KIF5C: variants seen among roughly 807,000 people sequenced by gnomAD.
KIF5C encodes kinesin heavy chain isoform 5C.
In KIF5C, 18 loss-of-function variants were observed where a neutral mutation model predicts 125.2. The ratio of observed to expected loss-of-function variants is 0.14; its 90% CI spans 0.10 to 0.21. The LOEUF is 0.21. Ranked by LOEUF, KIF5C falls within the 10% of genes least tolerant of loss-of-function variation. KIF5C has a pLI of 1.00. For missense variants in KIF5C, 780 were observed against 1,183.8 expected (o/e 0.66, Z 5.01); for synonymous variants, 405 against 434.0 (o/e 0.93, Z 0.83).
intron 25 of KIF5C, among the ~76,000 whole-genome samples, chr2:149,018,622 C>A (rs57737068): frequency 0.076 from 11,568 of 151,956 alleles, 1,243 homozygotes; most frequent in African/African-American, 0.24. Flanking sequence ...TGAGGCCAGG[C>A]GTTTGAAACC....
chr2:148,955,387 G>C (rs1340417516), intron 10 of KIF5C, among the ~76,000 whole-genome samples: 1 of 152,084 alleles, frequency 6.6e-6, no homozygotes, highest in East Asian at 1.9e-4. Flanking sequence ...CAATAATAAG[G>C]GCGAGCATCA....
At chr2:148,898,050 C>T (rs1680737074) in intron 1 of KIF5C, among the ~76,000 whole-genome samples, 1 of 149,234 alleles carries the variant, frequency 6.7e-6, no homozygotes, top group Non-Finnish European at 1.5e-5. Context: ...CTGATTTGCA[C>T]ACTGTGCCTT....
chr2:148,882,744 C>T (rs1236050421), intron 1 of KIF5C, among the ~76,000 whole-genome samples: 2 of 152,132 alleles, frequency 1.3e-5, no homozygotes, highest in Non-Finnish European at 2.9e-5. Flanking sequence ...CTGATCAGCC[C>T]CTGTCTCCCC....
chr2:148,942,968 T>C (rs1229243212), intron 7 of KIF5C, among the ~76,000 whole-genome samples: 1 of 152,200 alleles, frequency 6.6e-6, no homozygotes, highest in Admixed American at 6.5e-5. Context: ...TCCACAGGAC[T>C]CTGAGGTCTT....
intron 1 of KIF5C, among the ~76,000 whole-genome samples, chr2:148,899,702 C>CAAAAAAAAA (rs771196518): frequency 2.2e-5 from 1 of 46,062 alleles, no homozygotes; most frequent in Non-Finnish European, 4.7e-5. Context: ...AACTCCATCT[C>CAAAAAAAAA]AAAAAAAAAA....
intron 3 of KIF5C, 96 bp from the exon 4 acceptor site, chr2:148,937,188 C>T (rs966136218): frequency 2.1e-5 from 31 of 1,486,564 alleles, no homozygotes; most frequent in South Asian, 1.2e-4. Context: ...CCTGCTCCAC[C>T]GGGTTCTGTC....
intron 12 of KIF5C, among the ~76,000 whole-genome samples, chr2:148,975,010 G>C (rs375127639): frequency 6.6e-6 from 1 of 152,244 alleles, no homozygotes; most frequent in Non-Finnish European, 1.5e-5. Context: ...AAAGCATTCA[G>C]TTGGTAGCTG....
At chr2:148,928,207 A>G (rs1157187206) in intron 2 of KIF5C, among the ~76,000 whole-genome samples, 8 of 152,196 alleles carry the variant, frequency 5.3e-5, no homozygotes, top group Non-Finnish European at 1.0e-4. Context: ...CCCCTCTACC[A>G]TGCTCCCAAA....
chr2:149,010,624 G>A (rs913077449), intron 24 of KIF5C, among the ~76,000 whole-genome samples: 4 of 152,260 alleles, frequency 2.6e-5, no homozygotes, highest in Admixed American at 6.5e-5. Flanking sequence ...AAGGCTGTAG[G>A]CCTAGGTCTT....
chr2:148,875,262 C>T lies in KIF5C; in HGVS notation c.-356C>T, dbSNP rs1197110942. Reference sequence around the variant, plus strand: ...GGTGCTGATGCAGGATGGCTGAGCGCGCAGGAGCCCGGGAGGTCTGAGCCG... The same window carrying T: ...GGTGCTGATGCAGGATGGCTGAGCGTGCAGGAGCCCGGGAGGTCTGAGCCG... On this transcript the variant is annotated 5_prime_UTR_variant, in exon 1 of 26. Coordinates refer to ENST00000435030, the MANE Select transcript of KIF5C (RefSeq NM_004522.3). 4.9e-6 allele frequency: 1 copy of T among 203,388 alleles called. No individual in the cohort carries two copies. Among genetic ancestry groups the T allele is most frequent in the East Asian group, 1.1e-4 (1 of 9,058 alleles). The allele number at this position is 203,388 out of a possible 1,614,324, so 12.6% of individuals were successfully genotyped here. A position where few individuals can be genotyped will look rare whatever the true frequency, so the allele number is the denominator to read the frequency against.
chr2:148,937,297 AC>A lies in KIF5C; in HGVS notation c.310del (p.Gln104SerfsTer28). 1.9e-6 allele frequency: 3 copies of A among 1,595,350 alleles called. No homozygotes were observed. The highest frequency in any genetic ancestry group is 1.1e-5 in the South Asian group (1 of 87,616). On this transcript the variant is annotated frameshift_variant, in exon 4 of 26. Coordinates refer to ENST00000435030, the MANE Select transcript of KIF5C (RefSeq NM_004522.3). LOFTEE classifies it high-confidence loss of function. Reference protein sequence around the residue: ...KTHTMEGKLHDPQLMGIIPRI... With the variant: ...KTHTMEGKLHXPQLMGIIPRI... ...TTCGCCCACTAGGGGAAGCTGCATG[AC>A]CCCCAGCTCATGGGGATCATCCCAC...
intron 10 of KIF5C, among the ~76,000 whole-genome samples, chr2:148,958,471 C>G (rs1326421304): frequency 6.6e-6 from 1 of 152,108 alleles, no homozygotes; most frequent in Non-Finnish European, 1.5e-5. Flanking sequence ...GTTTTATTGG[C>G]ACTTCTTTTA....
At chr2:149,017,677 T>A (rs945434400) in intron 25 of KIF5C, among the ~76,000 whole-genome samples, 1 of 152,240 alleles carries the variant, frequency 6.6e-6, no homozygotes, top group Non-Finnish European at 1.5e-5. Flanking sequence ...TAGACCATTT[T>A]ATCTCAAACT....
At chr2:149,013,903 C>T (rs1682283130) in intron 25 of KIF5C, among the ~76,000 whole-genome samples, 1 of 152,142 alleles carries the variant, frequency 6.6e-6, no homozygotes, top group Non-Finnish European at 1.5e-5. Flanking sequence ...AGTGAAAGAA[C>T]CACCCTCACC....
intron 12 of KIF5C, among the ~76,000 whole-genome samples, chr2:148,974,670 A>T (rs1681014020): frequency 6.6e-6 from 1 of 152,256 alleles, no homozygotes; most frequent in African/African-American, 2.4e-5. Context: ...AAAGGAGATC[A>T]ATAGTAAGTT....
chr2:148,965,320 A>C (rs1185868074), intron 11 of KIF5C, among the ~76,000 whole-genome samples: 1 of 152,122 alleles, frequency 6.6e-6, no homozygotes, highest in Admixed American at 6.5e-5. Flanking sequence ...CAGAGAAAGA[A>C]GAGAAGACAG....
chr2:148,937,354 A>G lies in KIF5C; in HGVS notation c.362A>G (p.Tyr121Cys), dbSNP rs1682312340. 6.3e-7 allele frequency: 1 copy of G among 1,599,620 alleles called. No individual in the cohort carries two copies. The highest frequency in any genetic ancestry group is 8.5e-7 in the Non-Finnish European group (1 of 1,172,552). The change falls in exon 4 of 26, where the codon TAC becomes TGC. Residue 121 changes from tyrosine (Y) to cysteine (C), a missense_variant. Physicochemically the swap from Tyr to Cys is radical, Grantham distance 194. Coordinates refer to ENST00000435030, the MANE Select transcript of KIF5C (RefSeq NM_004522.3). ...RIAHDIFDHI[Y>C]SMDENLEFHI... ...GCCCATGATATCTTTGACCATATCTACTCCATGGATGAGAACCTGGAGTTT... is the reference window on the plus strand; with the variant it reads ...GCCCATGATATCTTTGACCATATCTGCTCCATGGATGAGAACCTGGAGTTT...
At chr2:148,973,253 G>T in intron 11 of KIF5C, 83 bp from the exon 12 acceptor site, 1 of 1,498,480 alleles carries the variant, frequency 6.7e-7, no homozygotes, top group South Asian at 1.4e-5. Flanking sequence ...TTTTCACCAG[G>T]ACTGATTATT....
chr2:148,993,300 G>A (rs1364730553), intron 16 of KIF5C, among the ~76,000 whole-genome samples: 1 of 152,206 alleles, frequency 6.6e-6, no homozygotes, highest in East Asian at 1.9e-4. Context: ...TGAGATCAGA[G>A]TCGAGAATAT....
Sources: allele counts gnomAD v4.1 joint callset (sites outside exome capture counted in the v4.1 genomes callset), GRCh38; gene constraint gnomAD v4.1.1; transcripts MANE v1.5; gene names NCBI Gene and HGNC (gene_info 2026-07-23, HGNC 2026-07-21).